The following HTR1F variants were observed in gnomAD, a reference collection of about 807,000 sequenced individuals.
HTR1F encodes 5-hydroxytryptamine receptor 1F.
Under a neutral mutation model 24.0 loss-of-function variants are expected in HTR1F, and 17 were observed. The observed-to-expected ratio is 0.71, with a 90% CI of 0.48 to 1.06. The LOEUF (loss-of-function observed/expected upper bound fraction) is 1.06. Among genes scored for constraint, HTR1F ranks in the 50% least tolerant of loss-of-function variants. The pLI is 0.00. For missense variants in HTR1F, 391 were observed against 427.8 expected, an observed-to-expected ratio of 0.91 and a Z score of 0.76; for synonymous variants, 186 against 156.8, an observed-to-expected ratio of 1.19 and a Z score of -1.39.
At chr3:87,839,927 G>T (rs1294670110) in intron 2 of HTR1F, among the ~76,000 whole-genome samples, 1 of 152,094 alleles carries the variant, frequency 6.6e-6, no homozygotes, top group African/African-American at 2.4e-5. Context: ...TTGCTGCAAA[G>T]GACATGATTT....
chr3:87,917,477 A>G (rs1396471675), intron 2 of HTR1F, among the ~76,000 whole-genome samples: 3 of 151,954 alleles, frequency 2.0e-5, no homozygotes, highest in Non-Finnish European at 4.4e-5. Context: ...AAGACTAACC[A>G]AGAAAAGAAG....
At chr3:87,936,619 TG>T (rs1704425260) in intron 2 of HTR1F, among the ~76,000 whole-genome samples, 1 of 152,174 alleles carries the variant, frequency 6.6e-6, no homozygotes, top group South Asian at 2.1e-4. Flanking sequence ...AAAGATAAGA[TG>T]GTAAATTATA....
chr3:87,978,085 AGG>A (rs1394481145), intron 2 of HTR1F, among the ~76,000 whole-genome samples: 2 of 152,212 alleles, frequency 1.3e-5, no homozygotes, highest in Non-Finnish European at 2.9e-5. Context: ...GGGCAGCTCC[AGG>A]AGCTGGCATA....
chr3:87,976,273 AAC>A (rs1705393384), intron 2 of HTR1F, among the ~76,000 whole-genome samples: 1 of 152,236 alleles, frequency 6.6e-6, no homozygotes, highest in Admixed American at 6.5e-5. Context: ...AAATATAAGT[AAC>A]AGTCTAGTTC....
intron 2 of HTR1F, among the ~76,000 whole-genome samples, chr3:87,832,278 T>C (rs1288899518): frequency 6.6e-6 from 1 of 151,782 alleles, no homozygotes; most frequent in African/African-American, 2.4e-5. Context: ...GTATAATATG[T>C]ATTATACACA....
intron 2 of HTR1F, among the ~76,000 whole-genome samples, chr3:87,920,530 G>C (rs182759252): frequency 6.6e-6 from 1 of 151,914 alleles, no homozygotes; most frequent in East Asian, 1.9e-4. Context: ...GAAATGATAT[G>C]GAATAAATCA....
chr3:87,855,247 A>T (rs1428363855), intron 2 of HTR1F, among the ~76,000 whole-genome samples: 1 of 152,058 alleles, frequency 6.6e-6, no homozygotes, highest in African/African-American at 2.4e-5. Flanking sequence ...GATACAATTT[A>T]GTTCTCACCT....
chr3:87,829,646 A>T (rs1176624028), intron 2 of HTR1F, among the ~76,000 whole-genome samples: 2 of 152,204 alleles, frequency 1.3e-5, no homozygotes, highest in Non-Finnish European at 2.9e-5. Context: ...CACTCACCAA[A>T]CATGCTATTA....
chr3:87,985,088 C>A (rs150546956), intron 2 of HTR1F, among the ~76,000 whole-genome samples: 1 of 152,242 alleles, frequency 6.6e-6, no homozygotes, highest in African/African-American at 2.4e-5. Flanking sequence ...GTAATACCAG[C>A]ACTTTGGGAG....
intron 2 of HTR1F, among the ~76,000 whole-genome samples, chr3:87,913,650 A>G (rs1293965436): frequency 6.6e-6 from 1 of 152,152 alleles, no homozygotes; most frequent in Non-Finnish European, 1.5e-5. Context: ...TTGCACCACT[A>G]TTCACAATAA....
intron 1 of HTR1F, among the ~76,000 whole-genome samples, chr3:87,794,858 T>C (rs928123338): frequency 2.0e-5 from 3 of 152,200 alleles, no homozygotes; most frequent in Non-Finnish European, 2.9e-5. Flanking sequence ...GTTTTTATTG[T>C]TCTTATAAAG....
chr3:87,918,279 A>C (rs1703939525), intron 2 of HTR1F, among the ~76,000 whole-genome samples: 1 of 152,106 alleles, frequency 6.6e-6, no homozygotes, highest in Non-Finnish European at 1.5e-5. Context: ...AAAGAGGAAA[A>C]AATGAAAGCA....
chr3:87,923,946 T>C (rs1704068140), intron 2 of HTR1F, among the ~76,000 whole-genome samples: 1 of 151,934 alleles, frequency 6.6e-6, no homozygotes, highest in Admixed American at 6.6e-5. Context: ...ATATTGGCCT[T>C]TAGTTTTCTT....
At chr3:87,981,688 T>C (rs1467976978) in intron 2 of HTR1F, among the ~76,000 whole-genome samples, 1 of 152,154 alleles carries the variant, frequency 6.6e-6, no homozygotes, top group Non-Finnish European at 1.5e-5. Flanking sequence ...ACAAAGCAAA[T>C]AGTACAACCT....
rs1042497654 is a variant in HTR1F, at chr3:87,973,759, A to G, written c.-42-16949A>G. On this transcript the variant is annotated intron_variant, in intron 2 of 2. Coordinates refer to ENST00000319595, the MANE Select transcript of HTR1F (RefSeq NM_001322209.2). ...TTTGGACACATGCCCTACTAAACTA[A>G]TCATTATTATTAGTTAACAATCATT... Among the ~76,000 whole-genome samples, 8 of 152,324 alleles carry G rather than the reference A, an allele frequency of 5.3e-5. No individual in the cohort carries two copies. The East Asian group carries it at 1.5e-3, about 29-fold the overall frequency.
At chr3:87,856,368 C>T (rs1025730434) in intron 2 of HTR1F, among the ~76,000 whole-genome samples, 1 of 152,026 alleles carries the variant, frequency 6.6e-6, no homozygotes, top group Non-Finnish European at 1.5e-5. Context: ...GGTATACTTA[C>T]TCCCAGCGAG....
chr3:87,899,104 C>T (rs1706265965), intron 2 of HTR1F, among the ~76,000 whole-genome samples: 1 of 152,082 alleles, frequency 6.6e-6, no homozygotes, highest in African/African-American at 2.4e-5. Flanking sequence ...CCTCTTTCAG[C>T]CTTATGAATT....
chr3:87,798,783 A>G lies in HTR1F; in HGVS notation c.-160+5941A>G, dbSNP rs1703947822. On this transcript the variant is annotated intron_variant, in intron 1 of 2. Transcript: ENST00000319595. The stretch of plus-strand genomic sequence containing the variant: ...ACCGAATGACTCAGTAACATTGGAC[A>G]AAGCTAACCATTAATCATCCATGCC... Among the ~76,000 whole-genome samples, 3 of 152,194 alleles carry G rather than the reference A, an allele frequency of 2.0e-5. No individual in the cohort carries two copies. The South Asian group carries it at 6.2e-4, about 31-fold the overall frequency.
At chr3:87,866,831 TGTGTGTGTGTGTGTGC>T (rs1705439384) in intron 2 of HTR1F, among the ~76,000 whole-genome samples, 2 of 151,142 alleles carry the variant, frequency 1.3e-5, no homozygotes, top group African/African-American at 4.9e-5. Flanking sequence ...TGTGTGTGTG[TGTGTGTGTGTGTGTGC>T]GTGTGTGTGT....
Sources: allele counts gnomAD v4.1 joint callset (sites outside exome capture counted in the v4.1 genomes callset), GRCh38; gene constraint gnomAD v4.1.1; transcripts MANE v1.5; gene names NCBI Gene and HGNC (gene_info 2026-07-23, HGNC 2026-07-21).